The following VRK2 variants were observed in gnomAD, a reference collection of about 807,000 sequenced individuals.
VRK2 encodes VRK serine/threonine kinase 2.
Under a neutral mutation model 57.6 loss-of-function variants are expected in VRK2, and 60 were observed. The ratio of observed to expected loss-of-function variants is 1.04; its 90% CI spans 0.85 to 1.29. The LOEUF is 1.29. VRK2 is among the 50% of genes most tolerant of loss of function. The pLI is 0.00. For missense variants in VRK2, 705 were observed against 588.1 expected (o/e 1.20, Z -2.06); for synonymous variants, 231 against 199.2 (o/e 1.16, Z -1.35).
intron 3 of VRK2, among the ~76,000 whole-genome samples, chr2:58,037,056 C>T (rs571181315): frequency 6.6e-6 from 1 of 152,086 alleles, no homozygotes; most frequent in African/African-American, 2.4e-5. Context: ...CCATTTCAGA[C>T]TCATGAGTAG....
At chr2:58,136,402 T>G (rs1483695257) in intron 10 of VRK2, among the ~76,000 whole-genome samples, 1 of 150,196 alleles carries the variant, frequency 6.7e-6, no homozygotes, top group Non-Finnish European at 1.5e-5. Context: ...TTTTTTTTTT[T>G]GAGACAGAGT....
intron 10 of VRK2, 61 bp downstream of exon 10, chr2:58,135,260 A>G: frequency 6.3e-7 from 1 of 1,592,312 alleles, no homozygotes; most frequent in Middle Eastern, 1.7e-4. Context: ...ATTTGTCGTT[A>G]TCGTTTGGTA....
chr2:57,974,305 T>C (rs1440894053), intron 1 of VRK2, among the ~76,000 whole-genome samples: 1 of 151,914 alleles, frequency 6.6e-6, no homozygotes. Context: ...AACTTGACAA[T>C]TAAACAAGAT....
chr2:58,091,377 A>G (rs916465511), intron 7 of VRK2, among the ~76,000 whole-genome samples: 15 of 152,166 alleles, frequency 9.9e-5, no homozygotes, highest in Admixed American at 6.5e-5. Context: ...ACCTAAATCA[A>G]ACCTAAAACT....
chr2:58,146,549 C>G, intron 12 of VRK2, 75 bp downstream of exon 12: 1 of 1,495,948 alleles, frequency 6.7e-7, no homozygotes, highest in Middle Eastern at 1.8e-4. Context: ...ATAAAAACAT[C>G]TTATTTTCTC....
At chr2:58,018,884 C>A (rs1016835683) in intron 1 of VRK2, among the ~76,000 whole-genome samples, 1 of 152,158 alleles carries the variant, frequency 6.6e-6, no homozygotes, top group Non-Finnish European at 1.5e-5. Flanking sequence ...CTCAGCACTT[C>A]CCGGTTTACA....
chr2:57,932,964 A>G (rs1670779069), intron 1 of VRK2, among the ~76,000 whole-genome samples: 2 of 152,078 alleles, frequency 1.3e-5, no homozygotes, highest in Non-Finnish European at 2.9e-5. Flanking sequence ...TTTAATTTCC[A>G]TATATTGTGA....
chr2:58,013,661 G>A (rs981919799), intron 1 of VRK2, among the ~76,000 whole-genome samples: 3 of 151,778 alleles, frequency 2.0e-5, no homozygotes, highest in African/African-American at 7.3e-5. Flanking sequence ...CACGAGGTCA[G>A]GAGATCGAGA....
At chr2:58,101,211 A>G (rs28445505) in intron 7 of VRK2, among the ~76,000 whole-genome samples, 9,326 of 151,752 alleles carry the variant, frequency 0.061, 970 homozygotes, top group African/African-American at 0.21. Context: ...AAGCTGTTAC[A>G]TATATAATTT....
intron 1 of VRK2, among the ~76,000 whole-genome samples, chr2:57,968,803 C>T (rs1198526998): frequency 6.6e-6 from 1 of 152,020 alleles, no homozygotes; most frequent in Non-Finnish European, 1.5e-5. Flanking sequence ...CAATGTTGTT[C>T]TGTTACGAAA....
intron 2 of VRK2, among the ~76,000 whole-genome samples, chr2:58,064,337 T>G (rs553272938): frequency 2.7e-3 from 413 of 152,166 alleles, no homozygotes; most frequent in Non-Finnish European, 4.5e-3. Flanking sequence ...ATTGCTATCT[T>G]TAGAAATTGC....
intron 1 of VRK2, among the ~76,000 whole-genome samples, chr2:57,979,822 G>A (rs1279339420): frequency 6.6e-6 from 1 of 152,070 alleles, no homozygotes; most frequent in African/African-American, 2.4e-5. Flanking sequence ...TGGTTTGTGT[G>A]CATGGAGGTG....
At position 58,159,692 on chromosome 2, in the gene VRK2, G is replaced by T; in HGVS notation, c.1526G>T (p.Ter509LeuextTer2). Reference protein sequence around the residue: ...MLVFLALFFL* With the variant: ...MLVFLALFFLL ...GTATTTCTTGCTTTATTTTTTCTCTGAAGATGATACCAAAATTCCTTTTGA... is the reference window on the plus strand; with the variant it reads ...GTATTTCTTGCTTTATTTTTTCTCTTAAGATGATACCAAAATTCCTTTTGA... The change falls in exon 13 of 13, where the codon TGA becomes TTA. Residue 509 changes from the stop codon to leucine (L), a stop_lost. Transcript: ENST00000340157. 1 of 1,612,358 alleles carries T rather than the reference G, an allele frequency of 6.2e-7. No individual in the cohort carries two copies. The highest frequency in any genetic ancestry group is 8.5e-7 in the Non-Finnish European group (1 of 1,179,382).
intron 1 of VRK2, among the ~76,000 whole-genome samples, chr2:57,993,000 T>A (rs959915229): frequency 6.6e-6 from 1 of 152,328 alleles, no homozygotes; most frequent in South Asian, 2.1e-4. Context: ...TCGGTTTCCA[T>A]GCCTAAAAAA....
intron 2 of VRK2, among the ~76,000 whole-genome samples, chr2:58,080,039 AT>A (rs1670638222): frequency 6.6e-6 from 1 of 152,010 alleles, no homozygotes; most frequent in Non-Finnish European, 1.5e-5. Flanking sequence ...TATTTAATAC[AT>A]GCCTGAGGCT....
intron 2 of VRK2, among the ~76,000 whole-genome samples, chr2:58,074,977 T>C (rs924673597): frequency 6.6e-6 from 1 of 152,108 alleles, no homozygotes; most frequent in African/African-American, 2.4e-5. Context: ...GGGAGTTTGG[T>C]ATACGGATAA....
In VRK2 at chr2:58,093,321, G is replaced by A. The variant is rs370762919; in HGVS notation, c.543+3598G>A. ...CCTATTTCTCCACATCCTCTCCAGC[G>A]CCTGTTGTTTCCTGACTTTTTAATG... On this transcript the variant is annotated intron_variant, in intron 7 of 12. Transcript: ENST00000340157. 3.3e-3 allele frequency among the ~76,000 whole-genome samples: 505 copies of A among 152,010 alleles called. 3 individuals are homozygous for A. Among genetic ancestry groups the A allele is most frequent in the East Asian group, 0.013 (68 of 5,158 alleles).
chr2:58,159,219 T>A, intron 12 of VRK2, 130 bp from the exon 13 acceptor site: 1 of 662,522 alleles, frequency 1.5e-6, no homozygotes, highest in Non-Finnish European at 2.5e-6. Context: ...AAATTACTTC[T>A]CAGGAAAAAT....
chr2:58,115,055 G>A (rs1276673890), intron 7 of VRK2, among the ~76,000 whole-genome samples: 3 of 152,158 alleles, frequency 2.0e-5, no homozygotes, highest in Non-Finnish European at 4.4e-5. Context: ...TTTCCTTGAG[G>A]ATAGATTTCC....
Sources: allele counts gnomAD v4.1 joint callset (sites outside exome capture counted in the v4.1 genomes callset), GRCh38; gene constraint gnomAD v4.1.1; transcripts MANE v1.5; gene names NCBI Gene and HGNC (gene_info 2026-07-23, HGNC 2026-07-21).